Variants in OPRM1 observed in about 807,000 individuals in gnomAD.
OPRM1 encodes opioid receptor mu 1, also known as mu-type opioid receptor.
Under a neutral mutation model 31.8 loss-of-function variants are expected in OPRM1, and 27 were observed. That is an observed-to-expected ratio of 0.85 (90% CI 0.63 to 1.17). The LOEUF (loss-of-function observed/expected upper bound fraction) is 1.17, where lower values mean the gene tolerates loss of function less well. Among genes scored for constraint, OPRM1 ranks in the 50% most tolerant of loss-of-function variants. The pLI, the probability that OPRM1 is intolerant of heterozygous loss-of-function variation, is 0.00. For synonymous variants in OPRM1, 196 were observed against 189.9 expected, an observed-to-expected ratio of 1.03 and a Z score of -0.26; for missense variants, 536 against 511.1, an observed-to-expected ratio of 1.05 and a Z score of -0.47.
intron 3 of OPRM1, among the ~76,000 whole-genome samples, chr6:154,177,921 C>T (rs1800482610): frequency 1.3e-5 from 2 of 152,084 alleles, no homozygotes; most frequent in Non-Finnish European, 1.5e-5. Flanking sequence ...TAGATAAAGA[C>T]AATGTGTCAC....
chr6:154,157,248 T>G (rs1345100310), intron 3 of OPRM1: 1 of 152,334 alleles, frequency 6.6e-6, no homozygotes, highest in African/African-American at 2.4e-5. Flanking sequence ...CACCCACGTC[T>G]TAGTGGCCAC....
chr6:154,082,402 T>C (rs2128469827), intron 1 of OPRM1, among the ~76,000 whole-genome samples: 1 of 152,326 alleles, frequency 6.6e-6, no homozygotes, highest in South Asian at 2.1e-4. Flanking sequence ...AAGCCTCATA[T>C]TTGTTGTACT....
At chr6:154,112,355 C>T (rs1333844712) in intron 3 of OPRM1, among the ~76,000 whole-genome samples, 1 of 152,212 alleles carries the variant, frequency 6.6e-6, no homozygotes, top group Non-Finnish European at 1.5e-5. Context: ...ACTTATTACT[C>T]ACAGCACAGT....
At position 154,013,575 on chromosome 6, in the gene OPRM1, AG is replaced by A. The variant is rs542553173; in HGVS notation, c.-1+2558del. 2.0e-5 allele frequency among the ~76,000 whole-genome samples: 3 copies of A among 152,336 alleles called. No individual in the cohort carries two copies. The South Asian group carries it at 6.2e-4, about 32-fold the overall frequency. ...ATTTAATAGGTTGAATAATGGTAAA[AG>A]TTTAATAAAGCTTAGTAAAATGAAG... On this transcript the variant is annotated intron_variant, in intron 1 of 5. Transcript: ENST00000434900.
intron 3 of OPRM1, among the ~76,000 whole-genome samples, chr6:154,097,228 C>G (rs1793547863): frequency 6.6e-6 from 1 of 152,102 alleles, no homozygotes; most frequent in Non-Finnish European, 1.5e-5. Context: ...AGTCCTAAAC[C>G]CTCTAATTAC....
At chr6:154,103,583 GT>G (rs2128506824) in intron 3 of OPRM1, among the ~76,000 whole-genome samples, 1 of 152,162 alleles carries the variant, frequency 6.6e-6, no homozygotes, top group South Asian at 2.1e-4. Flanking sequence ...GTGAAAGCAA[GT>G]TTATTAAGAA....
chr6:154,019,747 C>CTTTTTTTT (rs373120574), intron 1 of OPRM1, among the ~76,000 whole-genome samples: 8 of 122,008 alleles, frequency 6.6e-5, no homozygotes, highest in African/African-American at 2.4e-4. Flanking sequence ...CTTTTCTTTT[C>CTTTTTTTT]TTTTTTTTTT....
intron 3 of OPRM1, among the ~76,000 whole-genome samples, chr6:154,169,332 G>C (rs1215832959): frequency 6.6e-6 from 1 of 152,168 alleles, no homozygotes; most frequent in Non-Finnish European, 1.5e-5. Flanking sequence ...CTGCACTCCA[G>C]CCTGGGCTAC....
chr6:154,111,192 G>A (rs1796324616), intron 3 of OPRM1, among the ~76,000 whole-genome samples: 1 of 152,170 alleles, frequency 6.6e-6, no homozygotes, highest in African/African-American at 2.4e-5. Flanking sequence ...TTCAGGCAAT[G>A]GAGCTTGGAA....
rs71669485 is a variant in OPRM1 at position 154,084,917 on chromosome 6, AACACACACACACAC to A, written c.291-4887_291-4874del. ...ATATGAAGGCCATGATGTGGAATTA[AACACACACACACAC>A]ACACACACACACACACACACATGCT... On this transcript the variant is annotated intron_variant, in intron 1 of 3. Coordinates refer to ENST00000330432, the MANE Select transcript of OPRM1 (RefSeq NM_000914.5). Among the ~76,000 whole-genome samples, 547 of 146,494 alleles carry A rather than the reference AACACACACACACAC, an allele frequency of 3.7e-3. 1 individual carries two copies. Among genetic ancestry groups the A allele is most frequent in the Middle Eastern group, 0.011 (3 of 278 alleles).
intron 1 of OPRM1, among the ~76,000 whole-genome samples, chr6:154,029,153 T>C (rs1327096421): frequency 6.6e-6 from 1 of 152,194 alleles, no homozygotes; most frequent in East Asian, 1.9e-4. Context: ...CAAATACAGA[T>C]TCACATATTA....
chr6:154,109,274 T>C (rs770255089), intron 3 of OPRM1, among the ~76,000 whole-genome samples: 2 of 152,186 alleles, frequency 1.3e-5, no homozygotes, highest in Non-Finnish European at 2.9e-5. Context: ...TCAACCAACA[T>C]AGCCCGACTT....
intron 3 of OPRM1, among the ~76,000 whole-genome samples, chr6:154,190,184 C>T (rs1294602321): frequency 6.6e-6 from 1 of 152,034 alleles, no homozygotes; most frequent in African/African-American, 2.4e-5. Context: ...AAATCATTAA[C>T]TTGTACATGT....
intron 3 of OPRM1, among the ~76,000 whole-genome samples, chr6:154,242,212 T>C (rs534242456): frequency 6.6e-6 from 1 of 152,270 alleles, no homozygotes; most frequent in Non-Finnish European, 1.5e-5. Context: ...ATCCTAATAA[T>C]GTGTTAGCAA....
intron 3 of OPRM1, among the ~76,000 whole-genome samples, chr6:154,140,087 A>C (rs1030341326): frequency 6.6e-6 from 1 of 152,076 alleles, no homozygotes; most frequent in Non-Finnish European, 1.5e-5. Flanking sequence ...TCAAGCTATG[A>C]CTCAGTTTTC....
chr6:154,026,029 A>G (rs1054561607), intron 1 of OPRM1, among the ~76,000 whole-genome samples: 2 of 152,096 alleles, frequency 1.3e-5, no homozygotes, highest in Admixed American at 6.6e-5. Context: ...TACTATCACC[A>G]GTGAGTTTTG....
chr6:154,182,249 A>G (rs1800948867), intron 3 of OPRM1, among the ~76,000 whole-genome samples: 1 of 152,134 alleles, frequency 6.6e-6, no homozygotes, highest in South Asian at 2.1e-4. Flanking sequence ...TGCCAGAGTC[A>G]TGTACGTATC....
chr6:154,111,026 T>G (rs982352859), intron 3 of OPRM1, among the ~76,000 whole-genome samples: 1 of 152,010 alleles, frequency 6.6e-6, no homozygotes, highest in Non-Finnish European at 1.5e-5. Flanking sequence ...GAAAGAAAGA[T>G]GTATTATATT....
chr6:154,207,517 C>A (rs551173702), intron 3 of OPRM1, among the ~76,000 whole-genome samples: 1 of 152,128 alleles, frequency 6.6e-6, no homozygotes, highest in South Asian at 2.1e-4. Flanking sequence ...ATGTGAATTT[C>A]CAAAATTAAT....
Sources: allele counts gnomAD v4.1 joint callset (sites outside exome capture counted in the v4.1 genomes callset), GRCh38; gene constraint gnomAD v4.1.1; transcripts MANE v1.5; gene names NCBI Gene and HGNC (gene_info 2026-07-23, HGNC 2026-07-21).